MUSK: variants seen among roughly 807,000 people sequenced by gnomAD.
MUSK encodes muscle associated receptor tyrosine kinase.
A neutral mutation model predicts 88.7 loss-of-function variants in MUSK; 55 were observed. The ratio of observed to expected loss-of-function variants is 0.62; its 90% CI spans 0.50 to 0.78. The LOEUF is 0.78. MUSK is among the 30% of genes least tolerant of loss of function. The pLI is 0.00. For missense variants in MUSK, 1,015 were observed against 1,074.3 expected, an observed-to-expected ratio of 0.94 and a Z score of 0.77; for synonymous variants, 387 against 391.9, an observed-to-expected ratio of 0.99 and a Z score of 0.15.
chr9:110,712,819 T>C (rs1002239258), intron 5 of MUSK, among the ~76,000 whole-genome samples: 1 of 152,222 alleles, frequency 6.6e-6, no homozygotes, highest in Non-Finnish European at 1.5e-5. Flanking sequence ...TTCTTAAGGA[T>C]ACAGACGAAA....
chr9:110,742,200 T>G (rs1444823513), intron 6 of MUSK, among the ~76,000 whole-genome samples: 1 of 152,176 alleles, frequency 6.6e-6, no homozygotes, highest in Non-Finnish European at 1.5e-5. Flanking sequence ...CTCACTCCTG[T>G]AATCCCAGCA....
At chr9:110,705,806 T>G (rs978417059) in intron 5 of MUSK, among the ~76,000 whole-genome samples, 2 of 152,222 alleles carry the variant, frequency 1.3e-5, no homozygotes, top group African/African-American at 4.8e-5. Context: ...GAGGCTCTTC[T>G]GGAAAGGTTA....
chr9:110,776,759 G>T (rs2077677553), intron 11 of MUSK, 104 bp downstream of exon 11: 1 of 1,011,752 alleles, frequency 9.9e-7, no homozygotes, highest in Admixed American at 2.5e-5. Context: ...AGAATGTACA[G>T]CCGCTCTCAA....
At chr9:110,696,694 A>G (rs2076434235) in intron 4 of MUSK, among the ~76,000 whole-genome samples, 1 of 152,154 alleles carries the variant, frequency 6.6e-6, no homozygotes, top group East Asian at 1.9e-4. Context: ...GAGTAATTTT[A>G]ATATTATGTG....
chr9:110,688,063 G>T (rs2076221284), intron 3 of MUSK, among the ~76,000 whole-genome samples: 3 of 152,016 alleles, frequency 2.0e-5, no homozygotes, highest in Admixed American at 2.0e-4. Flanking sequence ...TAATCTCCCA[G>T]CCCTCAGTGT....
Position 110,803,646 on chromosome 9 carries a change from A to G in MUSK, c.*2658A>G, listed in dbSNP as rs1419671221. Among the ~76,000 whole-genome samples, 1 of 152,216 alleles carries G rather than the reference A, an allele frequency of 6.6e-6. No individual in the cohort carries two copies. The highest frequency in any genetic ancestry group is 2.4e-5 in the African/African-American group (1 of 41,454). ...CTTTTTAATGAATAGCAAAAAAAGT[A>G]TATTTCAGCATTATCAATTTAAGTT... On this transcript the variant is annotated 3_prime_UTR_variant, in exon 15 of 15. Transcript: ENST00000374448.
At position 110,755,847 on chromosome 9, in the gene MUSK, GTTAA is replaced by G. The variant is rs1210188276; in HGVS notation, c.914-6352_914-6349del. ...TGGAATATGTTTTAGTTCTTTCTCT[GTTAA>G]TTGTTATTGCTTCTCTGACTAATAA... On this transcript the variant is annotated intron_variant, in intron 7 of 14. Transcript: ENST00000374448. Among the ~76,000 whole-genome samples, 96 of 150,218 alleles carry G rather than the reference GTTAA, an allele frequency of 6.4e-4. 1 individual carries two copies. Among genetic ancestry groups the G allele is most frequent in the African/African-American group, 2.2e-3 (89 of 40,894 alleles).
chr9:110,756,090 T>C (rs1227141541), intron 7 of MUSK, among the ~76,000 whole-genome samples: 3 of 151,036 alleles, frequency 2.0e-5, no homozygotes, highest in East Asian at 1.9e-4. Flanking sequence ...AGGTGCCCAG[T>C]CTGACACAGC....
intron 2 of MUSK, 36 bp from the exon 3 acceptor site, chr9:110,687,081 A>C: frequency 6.3e-7 from 1 of 1,590,498 alleles, no homozygotes; most frequent in Non-Finnish European, 8.6e-7. Context: ...ATCACAGAGG[A>C]AGCACTAATC....
intron 7 of MUSK, among the ~76,000 whole-genome samples, chr9:110,757,761 C>A (rs780365281): frequency 1.3e-5 from 2 of 151,746 alleles, no homozygotes; most frequent in Non-Finnish European, 2.9e-5. Flanking sequence ...TGTCTCCTTG[C>A]TACTTTCCTT....
At chr9:110,752,710 A>G (rs971557248) in intron 7 of MUSK, among the ~76,000 whole-genome samples, 2 of 152,220 alleles carry the variant, frequency 1.3e-5, no homozygotes, top group African/African-American at 2.4e-5. Flanking sequence ...AGCTGATCTT[A>G]TGCTTATGCT....
Position 110,708,560 on chromosome 9 carries a change from T to C in MUSK, c.628+11094T>C, listed in dbSNP as rs976822758. ...CCCTGGAGGCTATCATTGGGAAAAT[T>C]AAATCTGCATGATTTAATAGGATGC... On this transcript the variant is annotated intron_variant, in intron 5 of 14. Transcript: ENST00000374448. Among the ~76,000 whole-genome samples, 4 of 152,302 alleles carry C rather than the reference T, an allele frequency of 2.6e-5. No individual in the cohort carries two copies. In the South Asian group the frequency reaches 6.2e-4, roughly 24 times the overall value.
chr9:110,686,653 A>G (rs557474160), intron 2 of MUSK, among the ~76,000 whole-genome samples: 1 of 152,276 alleles, frequency 6.6e-6, no homozygotes, highest in East Asian at 1.9e-4. Context: ...CTTGTTAGCA[A>G]TCAGTAAGTA....
In MUSK at chr9:110,803,283, A is replaced by G. The variant is rs2078120040; in HGVS notation, c.*2295A>G. 6.6e-6 allele frequency among the ~76,000 whole-genome samples: 1 copy of G among 152,204 alleles called. No homozygotes were observed. Among genetic ancestry groups the G allele is most frequent in the Non-Finnish European group, 1.5e-5 (1 of 68,034 alleles). ...ACAACATCCCTGTAATGTTGGTACT[A>G]TCATTATATACATTTTAGTTTTGCT... On this transcript the variant is annotated 3_prime_UTR_variant, in exon 15 of 15. Transcript: ENST00000374448.
At chr9:110,681,321 T>C (rs944949878) in intron 1 of MUSK, among the ~76,000 whole-genome samples, 1 of 149,004 alleles carries the variant, frequency 6.7e-6, no homozygotes, top group Non-Finnish European at 1.5e-5. Context: ...TTTCAACTTT[T>C]TTATTTACTC....
At chr9:110,797,812 A>G (rs1435086946) in intron 14 of MUSK, among the ~76,000 whole-genome samples, 1 of 152,180 alleles carries the variant, frequency 6.6e-6, no homozygotes, top group African/African-American at 2.4e-5. Flanking sequence ...AAACATACAT[A>G]CATGCATATT....
intron 5 of MUSK, among the ~76,000 whole-genome samples, chr9:110,699,751 C>A (rs900233894): frequency 6.6e-6 from 1 of 152,006 alleles, no homozygotes; most frequent in Non-Finnish European, 1.5e-5. Flanking sequence ...TTGGGGCAGA[C>A]GAGCATATGT....
intron 9 of MUSK, chr9:110,775,520 T>C (rs766471334): frequency 9.0e-6 from 4 of 443,338 alleles, no homozygotes; most frequent in Non-Finnish European, 1.7e-5. Flanking sequence ...CCCAATCTAA[T>C]ACGTTTTAAA....
chr9:110,705,682 A>G (rs561457689), intron 5 of MUSK, among the ~76,000 whole-genome samples: 2 of 152,360 alleles, frequency 1.3e-5, no homozygotes, highest in Admixed American at 6.5e-5. Flanking sequence ...GGAAGTTCCT[A>G]TAGGAAAGGG....
Sources: allele counts gnomAD v4.1 joint callset (sites outside exome capture counted in the v4.1 genomes callset), GRCh38; gene constraint gnomAD v4.1.1; transcripts MANE v1.5; gene names NCBI Gene and HGNC (gene_info 2026-07-23, HGNC 2026-07-21).